Variants in GTF2IRD1 observed in about 807,000 individuals in gnomAD.
The protein encoded by GTF2IRD1 is GTF2I repeat domain containing 1.
Under a neutral mutation model 113.2 loss-of-function variants are expected in GTF2IRD1, and 26 were observed. That is an observed-to-expected ratio of 0.23 (90% CI 0.17 to 0.32). The LOEUF (loss-of-function observed/expected upper bound fraction) is 0.32, where lower values mean the gene tolerates loss of function less well. Ranked by LOEUF, GTF2IRD1 falls within the 10% of genes least tolerant of loss-of-function variation. The pLI is 1.00. For synonymous variants in GTF2IRD1, 484 were observed against 529.1 expected (o/e 0.91, Z 1.17); for missense variants, 864 against 1,280.8 (o/e 0.67, Z 4.97).
intron 1 of GTF2IRD1, among the ~76,000 whole-genome samples, chr7:74,499,394 G>A (rs1554338871): frequency 1.3e-5 from 2 of 151,880 alleles, no homozygotes; most frequent in African/African-American, 4.8e-5. Flanking sequence ...GTGCAAGGAA[G>A]GGAGGAAGGG....
chr7:74,510,003 C>G (rs1446436721), intron 2 of GTF2IRD1, among the ~76,000 whole-genome samples: 1 of 152,082 alleles, frequency 6.6e-6, no homozygotes, highest in Non-Finnish European at 1.5e-5. Context: ...GAGCGAACTT[C>G]TGGGTACAAA....
chr7:74,498,210 C>T (rs1795837134), intron 1 of GTF2IRD1, among the ~76,000 whole-genome samples: 1 of 146,386 alleles, frequency 6.8e-6, no homozygotes, highest in Non-Finnish European at 1.5e-5. Flanking sequence ...GCTCTGTTGC[C>T]CAGGCTGGTC....
chr7:74,519,283 C>T lies in GTF2IRD1; in HGVS notation c.606-126C>T, dbSNP rs1284700328. ...CACTTGTGAAGTGGAAGAGCAGCTC[C>T]TGTCCTGCCCTCCTCATGGGGCTGT... is the stretch of plus-strand genomic sequence containing the variant. On this transcript the variant is annotated intron_variant, in intron 5 of 26. Coordinates refer to ENST00000424337, the MANE Select transcript of GTF2IRD1 (RefSeq NM_005685.4). 2.1e-5 allele frequency: 13 copies of T among 609,738 alleles called. 1 individual carries two copies. In the South Asian group the frequency reaches 3.3e-4, roughly 16 times the overall value. 37.8% of individuals were successfully genotyped at this position (609,738 alleles called of 1,614,324 possible).
At position 74,590,844 on chromosome 7, in the gene GTF2IRD1, C is replaced by T. The variant is rs782175648; in HGVS notation, c.2418C>T (p.Asn806=). The T allele has an allele frequency of 3.4e-5, 54 of 1,605,442 alleles. No individual in the cohort carries two copies. In the South Asian group the frequency reaches 5.3e-4, roughly 16 times the overall value. The stretch of plus-strand genomic sequence containing the variant: ...CTCTAGGTGAGGCCCTGGGCCTGAA[C>T]CGGCCGGTGCTGGTCCCTTATAAAC... The part of the protein sequence containing the change: ...NEKYGEALGL[N]RPVLVPYKLI... The change falls in exon 24 of 27, where the codon AAC becomes AAT. Residue 806 remains asparagine, a synonymous_variant. Coordinates refer to ENST00000424337, the MANE Select transcript of GTF2IRD1 (RefSeq NM_005685.4).
At chr7:74,533,600 C>T (rs985958505) in intron 9 of GTF2IRD1, among the ~76,000 whole-genome samples, 19 of 152,154 alleles carry the variant, frequency 1.2e-4, no homozygotes, top group Non-Finnish European at 2.2e-4. Flanking sequence ...CACTGAAGGC[C>T]GTGCACCTCC....
chr7:74,492,237 C>T lies in GTF2IRD1; in HGVS notation c.-6-15838C>T, dbSNP rs570557195. Among the ~76,000 whole-genome samples the T allele has an allele frequency of 8.8e-5, 13 of 148,176 alleles. No homozygotes were observed. The South Asian group carries it at 2.8e-3, about 31-fold the overall frequency. On this transcript the variant is annotated intron_variant, in intron 1 of 26. Coordinates refer to ENST00000424337, the MANE Select transcript of GTF2IRD1 (RefSeq NM_005685.4). ...CCAGGCTGGAGTTCAGTGGCGTGAT[C>T]TCGGCTCACCGCAAGCTCTGCCTCC...
chr7:74,538,670 C>T lies in GTF2IRD1; in HGVS notation c.1448-10C>T. 6.5e-7 allele frequency: 1 copy of T among 1,533,384 alleles called. No homozygotes were observed. Among genetic ancestry groups the T allele is most frequent in the African/African-American group, 1.4e-5 (1 of 73,330 alleles). The allele number at this position is 1,533,384 out of a possible 1,614,324, so 95.0% of individuals were successfully genotyped here. On this transcript the variant is annotated splice_polypyrimidine_tract_variant and intron_variant, in intron 12 of 26. Coordinates refer to ENST00000424337, the MANE Select transcript of GTF2IRD1 (RefSeq NM_005685.4). ...CAGACTTGACAGGATTCTTCCTTTCCTCCTTGCAGGAACCTCCGGGGAGCT... is the reference window on the plus strand; with the variant it reads ...CAGACTTGACAGGATTCTTCCTTTCTTCCTTGCAGGAACCTCCGGGGAGCT...
intron 1 of GTF2IRD1, among the ~76,000 whole-genome samples, chr7:74,459,993 T>G (rs1429445645): frequency 2.0e-5 from 3 of 151,632 alleles, no homozygotes; most frequent in Non-Finnish European, 4.4e-5. Flanking sequence ...TAATTTGTAT[T>G]GAAATGAGGT....
chr7:74,473,949 C>T (rs1385722244), intron 1 of GTF2IRD1, among the ~76,000 whole-genome samples: 2 of 151,700 alleles, frequency 1.3e-5, no homozygotes, highest in African/African-American at 2.4e-5. Context: ...TAAGGCTGGG[C>T]GCAGTGGCTC....
At chr7:74,541,680 C>G (rs1798644903) in intron 14 of GTF2IRD1, among the ~76,000 whole-genome samples, 1 of 152,100 alleles carries the variant, frequency 6.6e-6, no homozygotes, top group African/African-American at 2.4e-5. Flanking sequence ...GCGGGCAGAT[C>G]ACTTGAGGTC....
chr7:74,456,003 G>T (rs934250011), intron 1 of GTF2IRD1, among the ~76,000 whole-genome samples: 1 of 152,196 alleles, frequency 6.6e-6, no homozygotes, highest in Non-Finnish European at 1.5e-5. Context: ...CTGTTCTCTC[G>T]ATGTTGGGAG....
intron 16 of GTF2IRD1, among the ~76,000 whole-genome samples, chr7:74,546,487 G>A (rs587740470): frequency 6.6e-6 from 1 of 152,072 alleles, no homozygotes. Context: ...CTCCCAAAGT[G>A]CAGGGATTAT....
At chr7:74,461,641 C>T (rs138368602) in intron 1 of GTF2IRD1, among the ~76,000 whole-genome samples, 1,950 of 152,170 alleles carry the variant, frequency 0.013, 36 homozygotes, top group African/African-American at 0.044. Context: ...TGCAGTGGCG[C>T]GATCTCGGCT....
intron 1 of GTF2IRD1, among the ~76,000 whole-genome samples, chr7:74,481,286 C>T (rs556303410): frequency 2.2e-4 from 34 of 152,310 alleles, no homozygotes; most frequent in African/African-American, 7.7e-4. Context: ...TTCTGAGTAG[C>T]TGTGACGACA....
chr7:74,580,044 C>T (rs1801319529), intron 22 of GTF2IRD1, among the ~76,000 whole-genome samples: 1 of 152,180 alleles, frequency 6.6e-6, no homozygotes, highest in Non-Finnish European at 1.5e-5. Flanking sequence ...CAGCTTGGCC[C>T]TCCTCTCTCC....
intron 1 of GTF2IRD1, among the ~76,000 whole-genome samples, chr7:74,483,262 C>T (rs1230764532): frequency 1.3e-5 from 2 of 152,020 alleles, no homozygotes; most frequent in East Asian, 1.9e-4. Flanking sequence ...TTATTTAGGC[C>T]GGTCACAGTG....
In GTF2IRD1 at chr7:74,590,468, A is replaced by G. The variant is rs587768831; in HGVS notation, c.2399-357A>G. On this transcript the variant is annotated intron_variant, in intron 23 of 26. Coordinates refer to ENST00000424337, the MANE Select transcript of GTF2IRD1 (RefSeq NM_005685.4). ...CAGTGGCGGGATCTCCACTCACTGC[A>G]AGCTCCACCTCCTGGGTTCACGTCA... Among the ~76,000 whole-genome samples the G allele has an allele frequency of 1.4e-3, 208 of 150,980 alleles. 2 individuals carry two copies. The highest frequency in any genetic ancestry group is 4.5e-3 in the African/African-American group (183 of 41,032).
intron 1 of GTF2IRD1, among the ~76,000 whole-genome samples, chr7:74,503,023 C>T (rs564025972): frequency 2.6e-5 from 4 of 152,078 alleles, no homozygotes; most frequent in East Asian, 3.9e-4. Context: ...AAAAATTAGC[C>T]GGGTGTGGTG....
chr7:74,579,621 A>G (rs1801292309), intron 22 of GTF2IRD1, among the ~76,000 whole-genome samples: 1 of 21,492 alleles, frequency 4.7e-5, no homozygotes, highest in Admixed American at 6.2e-4. Flanking sequence ...CCATCTTAAG[A>G]AAAAAAAAAA....
Sources: allele counts gnomAD v4.1 joint callset (sites outside exome capture counted in the v4.1 genomes callset), GRCh38; gene constraint gnomAD v4.1.1; transcripts MANE v1.5; gene names NCBI Gene and HGNC (gene_info 2026-07-23, HGNC 2026-07-21).